Variants in CLSTN2 observed in about 807,000 individuals in gnomAD.
CLSTN2 encodes the protein calsyntenin-2.
CLSTN2 carries 48 observed loss-of-function variants against 101.2 expected under a neutral mutation model. That is an observed-to-expected ratio of 0.47 (90% CI 0.38 to 0.60). CLSTN2 has a LOEUF of 0.60. CLSTN2 is among the 20% of genes least tolerant of loss of function. CLSTN2 has a pLI of 0.00. For synonymous variants in CLSTN2, 481 were observed against 463.6 expected, an observed-to-expected ratio of 1.04 and a Z score of -0.48; for missense variants, 1,160 against 1,238.2, an observed-to-expected ratio of 0.94 and a Z score of 0.95.
chr3:140,402,602 T>G (rs1410181874), intron 2 of CLSTN2, among the ~76,000 whole-genome samples: 3 of 152,066 alleles, frequency 2.0e-5, no homozygotes, highest in African/African-American at 7.2e-5. Context: ...GGCAAGAAGG[T>G]GCCTGGGTTA....
chr3:140,440,656 A>C (rs1374694418), intron 5 of CLSTN2, among the ~76,000 whole-genome samples: 3 of 152,208 alleles, frequency 2.0e-5, no homozygotes, highest in African/African-American at 7.2e-5. Flanking sequence ...TAGAGGAAAA[A>C]AATGGCTTGC....
intron 2 of CLSTN2, among the ~76,000 whole-genome samples, chr3:140,238,608 A>G (rs542482853): frequency 2.6e-5 from 4 of 152,216 alleles, no homozygotes; most frequent in Admixed American, 6.6e-5. Context: ...TAGAATAAAA[A>G]AAGAAGAACA....
intron 1 of CLSTN2, among the ~76,000 whole-genome samples, chr3:140,033,292 T>C (rs73226913): frequency 7.6e-4 from 116 of 152,316 alleles, no homozygotes; most frequent in Non-Finnish European, 1.5e-3. Flanking sequence ...TTAGTTTCTG[T>C]GCCCCCCCAA....
chr3:140,031,528 A>G (rs575195684), intron 1 of CLSTN2, among the ~76,000 whole-genome samples: 3 of 152,358 alleles, frequency 2.0e-5, no homozygotes, highest in African/African-American at 7.2e-5. Flanking sequence ...CTGTTTTGCT[A>G]TCCAACTTTC....
chr3:140,337,179 T>C (rs1249193372), intron 2 of CLSTN2, among the ~76,000 whole-genome samples: 1 of 152,246 alleles, frequency 6.6e-6, no homozygotes, highest in East Asian at 1.9e-4. Context: ...ATTTATTTCT[T>C]GGATCCGTTG....
chr3:140,056,144 G>A (rs1325009107), intron 1 of CLSTN2, among the ~76,000 whole-genome samples: 1 of 151,838 alleles, frequency 6.6e-6, no homozygotes, highest in East Asian at 1.9e-4. Context: ...TCATGTCAGG[G>A]AGGCAGCAGA....
rs542987090 is a variant in CLSTN2, at chr3:140,404,407, G to T, written c.429-151G>T. 1.6e-4 allele frequency: 107 copies of T among 673,500 alleles called. No homozygotes were observed. In the East Asian group the frequency reaches 2.9e-3, roughly 18 times the overall value. 41.7% of individuals were successfully genotyped at this position (673,500 alleles called of 1,614,324 possible). A position where few individuals can be genotyped will look rare whatever the true frequency, so the allele number is the denominator to read the frequency against. Reference sequence around the variant, plus strand: ...CAAGTAGAGAGTCTCCAGTGAGAGGGAGGATGGGACACTCAGACAACTGCC... The same window carrying T: ...CAAGTAGAGAGTCTCCAGTGAGAGGTAGGATGGGACACTCAGACAACTGCC... On this transcript the variant is annotated intron_variant, in intron 3 of 16. Coordinates refer to ENST00000458420, the MANE Select transcript of CLSTN2 (RefSeq NM_022131.3).
chr3:139,985,421 G>A (rs1158416884), intron 1 of CLSTN2, among the ~76,000 whole-genome samples: 1 of 152,086 alleles, frequency 6.6e-6, no homozygotes, highest in African/African-American at 2.4e-5. Flanking sequence ...CCTCTTAGAT[G>A]ACCCTCTCAG....
At chr3:140,065,759 T>G (rs911722944) in intron 1 of CLSTN2, among the ~76,000 whole-genome samples, 1 of 152,234 alleles carries the variant, frequency 6.6e-6, no homozygotes, top group Non-Finnish European at 1.5e-5. Context: ...TTACTTCATT[T>G]GTTTAAATGG....
At chr3:140,414,629 T>G (rs2088406191) in intron 4 of CLSTN2, among the ~76,000 whole-genome samples, 1 of 151,990 alleles carries the variant, frequency 6.6e-6, no homozygotes, top group South Asian at 2.1e-4. Context: ...TGTACACTAC[T>G]TGGATGATAG....
intron 8 of CLSTN2, among the ~76,000 whole-genome samples, chr3:140,478,766 T>G (rs1934045123): frequency 1.0e-5 from 1 of 97,268 alleles, no homozygotes; most frequent in Non-Finnish European, 1.9e-5. Flanking sequence ...AAACAAGAAC[T>G]GAAAAAAGAG....
chr3:139,965,021 A>G (rs2107816185), intron 1 of CLSTN2, among the ~76,000 whole-genome samples: 1 of 152,210 alleles, frequency 6.6e-6, no homozygotes, highest in Admixed American at 6.5e-5. Flanking sequence ...TACGGTTGAT[A>G]TTTTATACTT....
At chr3:140,036,484 G>A (rs2007656820) in intron 1 of CLSTN2, among the ~76,000 whole-genome samples, 1 of 152,040 alleles carries the variant, frequency 6.6e-6, no homozygotes, top group South Asian at 2.1e-4. Flanking sequence ...ACTTTTGTTT[G>A]AAGTAAGTGG....
intron 1 of CLSTN2, among the ~76,000 whole-genome samples, chr3:140,034,283 G>A (rs1262368748): frequency 6.6e-6 from 1 of 152,184 alleles, no homozygotes; most frequent in Admixed American, 6.5e-5. Context: ...TTCAGAGAGG[G>A]AGTCTATGGT....
intron 1 of CLSTN2, among the ~76,000 whole-genome samples, chr3:139,949,882 A>G (rs1270012428): frequency 6.6e-6 from 1 of 152,208 alleles, no homozygotes; most frequent in African/African-American, 2.4e-5. Context: ...TGGATAAAGC[A>G]TGCTCCATTT....
intron 1 of CLSTN2, among the ~76,000 whole-genome samples, chr3:140,047,138 C>T (rs933015269): frequency 6.6e-6 from 1 of 152,080 alleles, no homozygotes; most frequent in African/African-American, 2.4e-5. Context: ...AAATTAAAAC[C>T]TTTAGTAAAC....
intron 1 of CLSTN2, among the ~76,000 whole-genome samples, chr3:140,047,315 A>C (rs2007900965): frequency 6.6e-6 from 1 of 152,160 alleles, no homozygotes; most frequent in Non-Finnish European, 1.5e-5. Flanking sequence ...TAGTGAGTAC[A>C]TTTTAGTTTC....
At chr3:140,386,631 A>AGCTGTGCCATGCTGT (rs1559855584) in intron 2 of CLSTN2, among the ~76,000 whole-genome samples, 1 of 151,960 alleles carries the variant, frequency 6.6e-6, no homozygotes, top group African/African-American at 2.4e-5. Context: ...TGTGAGAACA[A>AGCTGTGCCATGCTGT]GCTGTGCCAT....
At chr3:140,418,531 T>TCTGAGACGGAGTCTCACTC (rs1185327499) in intron 4 of CLSTN2, among the ~76,000 whole-genome samples, 1 of 144,198 alleles carries the variant, frequency 6.9e-6, no homozygotes, top group African/African-American at 2.7e-5. Context: ...TTTTTTTTTT[T>TCTGAGACGGAGTCTCACTC]TTCTGAGACG....
Sources: gnomAD v4.1 joint callset for allele counts (sites outside exome capture counted in the v4.1 genomes callset) on GRCh38, gnomAD v4.1.1 for gene constraint, MANE v1.5 for transcripts, NCBI Gene and HGNC (gene_info 2026-07-23, HGNC 2026-07-21) for gene names.